UGT1A8: variants seen among roughly 807,000 people sequenced by gnomAD.
UGT1A8 encodes the protein UDP-glucuronosyltransferase 1A8.
A neutral mutation model predicts 45.3 loss-of-function variants in UGT1A8; 39 were observed. The observed-to-expected ratio is 0.86, with a 90% confidence interval of 0.67 to 1.12. The LOEUF is 1.12. Ranked by LOEUF, UGT1A8 falls within the 50% of genes most tolerant of loss-of-function variation. The probability of loss-of-function intolerance (pLI) is 0.00; values close to 1 mark genes in which losing one functional copy is unlikely to be tolerated. For missense variants in UGT1A8, 719 were observed against 664.9 expected (o/e 1.08, Z -0.90); for synonymous variants, 275 against 249.2 (o/e 1.10, Z -0.97).
At chr2:233,751,929 T>C (rs1393855329) in intron 1 of UGT1A8, among the ~76,000 whole-genome samples, 1 of 152,160 alleles carries the variant, frequency 6.6e-6, no homozygotes, top group South Asian at 2.1e-4. Flanking sequence ...TTGGTGGTGA[T>C]TGAAGTTATA....
intron 1 of UGT1A8, among the ~76,000 whole-genome samples, chr2:233,723,472 A>G (rs1156962983): frequency 1.5e-5 from 2 of 137,344 alleles, no homozygotes; most frequent in African/African-American, 5.7e-5. Context: ...AGCCTCCCAA[A>G]GTGCTAGGAT....
chr2:233,681,563 T>A (rs910755466), intron 1 of UGT1A8, among the ~76,000 whole-genome samples: 5 of 151,690 alleles, frequency 3.3e-5, no homozygotes, highest in African/African-American at 9.7e-5. Flanking sequence ...AATTGCAAAT[T>A]TTTCTTTGTG....
chr2:233,625,233 A>C (rs1321886170), intron 1 of UGT1A8, among the ~76,000 whole-genome samples: 1 of 152,138 alleles, frequency 6.6e-6, no homozygotes, highest in East Asian at 1.9e-4. Context: ...TCAAAACCAC[A>C]ATGAGATATC....
intron 1 of UGT1A8, among the ~76,000 whole-genome samples, chr2:233,726,093 G>T (rs2077501561): frequency 6.6e-6 from 1 of 152,308 alleles, no homozygotes; most frequent in South Asian, 2.1e-4. Context: ...TTGATCCGAG[G>T]AGGTGGAGGC....
chr2:233,637,498 A>G (rs1040234863), intron 1 of UGT1A8: 2 of 1,490,952 alleles, frequency 1.3e-6, no homozygotes, highest in African/African-American at 1.4e-5. Context: ...TTTCCAGTTT[A>G]ACAAATTATT....
intron 1 of UGT1A8, chr2:233,693,486 A>C: frequency 6.2e-7 from 1 of 1,614,088 alleles, no homozygotes; most frequent in Non-Finnish European, 8.5e-7. Flanking sequence ...ATCCTGGCTG[A>C]GTATTTGGGC....
chr2:233,675,678 T>G (rs2602381), intron 1 of UGT1A8, among the ~76,000 whole-genome samples: 5 of 151,956 alleles, frequency 3.3e-5, no homozygotes, highest in African/African-American at 1.2e-4. Flanking sequence ...CTCAGTGTAA[T>G]GAGCACCCAC....
chr2:233,690,015 A>G (rs950234716), intron 1 of UGT1A8: 1 of 440,784 alleles, frequency 2.3e-6, no homozygotes, highest in Non-Finnish European at 4.5e-6. Context: ...ACCATTTTGG[A>G]CCTTCCTCAA....
intron 1 of UGT1A8, among the ~76,000 whole-genome samples, chr2:233,714,790 A>G (rs2076412745): frequency 6.6e-6 from 1 of 152,236 alleles, no homozygotes; most frequent in Non-Finnish European, 1.5e-5. Flanking sequence ...GCCACATTTC[A>G]AGTGCTCAAT....
intron 1 of UGT1A8, among the ~76,000 whole-genome samples, chr2:233,624,197 C>A (rs1049513437): frequency 4.6e-5 from 7 of 152,014 alleles, no homozygotes; most frequent in Non-Finnish European, 1.0e-4. Context: ...TATCCCTGTT[C>A]TTTTATGGGA....
chr2:233,747,561 T>A (rs1440337169), intron 1 of UGT1A8: 2 of 1,596,952 alleles, frequency 1.3e-6, no homozygotes, highest in Non-Finnish European at 1.7e-6. Context: ...TATGGCAATT[T>A]TGAAAAATTC....
intron 1 of UGT1A8, chr2:233,672,272 A>AC (rs1198724150): frequency 6.2e-7 from 1 of 1,614,138 alleles, no homozygotes; most frequent in Non-Finnish European, 8.5e-7. Flanking sequence ...ATGGGTTCAT[A>AC]CAATGACATT....
intron 1 of UGT1A8, among the ~76,000 whole-genome samples, chr2:233,644,978 A>C (rs1021291797): frequency 6.6e-6 from 1 of 152,148 alleles, no homozygotes; most frequent in Non-Finnish European, 1.5e-5. Context: ...AAAGGTTCTT[A>C]TGACCCCTGA....
intron 1 of UGT1A8, among the ~76,000 whole-genome samples, chr2:233,703,952 G>A (rs1407087431): frequency 1.3e-5 from 2 of 151,648 alleles, no homozygotes; most frequent in African/African-American, 4.8e-5. Context: ...GTGCAGTGGT[G>A]TGATCTTGGC....
At chr2:233,641,903 T>G (rs1417565088) in intron 1 of UGT1A8, among the ~76,000 whole-genome samples, 1 of 152,080 alleles carries the variant, frequency 6.6e-6, no homozygotes, top group Non-Finnish European at 1.5e-5. Context: ...TGTTTGTTAT[T>G]TATCTCTTCT....
At chr2:233,724,365 G>A (rs1424941561) in intron 1 of UGT1A8, among the ~76,000 whole-genome samples, 1 of 148,100 alleles carries the variant, frequency 6.8e-6, no homozygotes, top group African/African-American at 2.5e-5. Flanking sequence ...CTCCCGGACG[G>A]GGTGGCTGCC....
At chr2:233,692,224 G>A (rs996571902) in intron 1 of UGT1A8, 1 of 152,382 alleles carries the variant, frequency 6.6e-6, no homozygotes, top group Admixed American at 6.5e-5. Context: ...AGAGATGGCA[G>A]ATGGGGCTCC....
intron 1 of UGT1A8, among the ~76,000 whole-genome samples, chr2:233,700,193 T>C (rs2075549348): frequency 1.3e-5 from 2 of 152,154 alleles, no homozygotes; most frequent in African/African-American, 4.8e-5. Context: ...ATCTCAGCCT[T>C]TGTTGGCTGA....
chr2:233,660,226 A>T (rs950929941), intron 1 of UGT1A8, among the ~76,000 whole-genome samples: 1 of 152,190 alleles, frequency 6.6e-6, no homozygotes, highest in Non-Finnish European at 1.5e-5. Context: ...CTAGATTTTC[A>T]TGATGTTCGC....
Sources: gnomAD v4.1 joint callset for allele counts (sites outside exome capture counted in the v4.1 genomes callset) on GRCh38, gnomAD v4.1.1 for gene constraint, MANE v1.5 for transcripts, NCBI Gene and HGNC (gene_info 2026-07-23, HGNC 2026-07-21) for gene names.